NRTN: variants seen among roughly 807,000 people sequenced by gnomAD.
The protein encoded by NRTN is prepro-neurturin.
NRTN carries 3 observed loss-of-function variants against 7.5 expected under a neutral mutation model. That is an observed-to-expected ratio of 0.40 (90% CI 0.18 to 1.03). NRTN has a LOEUF of 1.03. Among genes scored for constraint, NRTN ranks in the 50% least tolerant of loss-of-function variants. The pLI, the probability that NRTN is intolerant of heterozygous loss-of-function variation, is 0.34. For missense variants in NRTN, 310 were observed against 307.0 expected (o/e 1.01, Z -0.07); for synonymous variants, 157 against 146.6 (o/e 1.07, Z -0.51).
Position 5,826,096 on chromosome 19 carries a change from C to A in NRTN, c.170-1653C>A, listed in dbSNP as rs1188739872. Among the ~76,000 whole-genome samples the A allele has an allele frequency of 5.9e-5, 9 of 151,774 alleles. No individual in the cohort carries two copies. In the South Asian group the frequency reaches 1.2e-3, roughly 21 times the overall value. ...CTTGCAGTGAGCCGAGATCGCGCCA[C>A]TGCACTCCAGCCTGGGCGACAGAGC... On this transcript the variant is annotated intron_variant, in intron 2 of 2. Coordinates refer to ENST00000303212, the MANE Select transcript of NRTN (RefSeq NM_004558.5).
chr19:5,811,057 T>C (rs1326130751), intron 1 of NRTN, among the ~76,000 whole-genome samples: 1 of 151,676 alleles, frequency 6.6e-6, no homozygotes, highest in Non-Finnish European at 1.5e-5. Context: ...GCCAACATGG[T>C]GAAACCCCGT....
intron 1 of NRTN, among the ~76,000 whole-genome samples, chr19:5,819,711 G>A (rs1338640279): frequency 6.6e-6 from 1 of 151,966 alleles, no homozygotes; most frequent in East Asian, 1.9e-4. Context: ...GGCTGGGTGT[G>A]GTGGTGCATG....
chr19:5,805,215 G>T lies in NRTN; in HGVS notation c.-635G>T, dbSNP rs960335512. On this transcript the variant is annotated 5_prime_UTR_variant, in exon 1 of 3. Transcript: ENST00000303212. ...GCCCTCTGAGCCGCCGGCCGTCCAG[G>T]GCACCCACCCCCAGCCCCAGCCCCC... is the stretch of plus-strand genomic sequence containing the variant. Among the ~76,000 whole-genome samples, 1 of 146,370 alleles carries T rather than the reference G, an allele frequency of 6.8e-6. No individual in the cohort carries two copies. Among genetic ancestry groups the T allele is most frequent in the African/African-American group, 2.4e-5 (1 of 40,842 alleles).
intron 1 of NRTN, among the ~76,000 whole-genome samples, chr19:5,823,164 C>T (rs1361060633): frequency 1.3e-5 from 2 of 152,152 alleles, no homozygotes; most frequent in Admixed American, 1.3e-4. Context: ...TGCCTGTAAT[C>T]CCAGCACTTT....
chr19:5,816,655 T>G (rs1282945489), intron 1 of NRTN, among the ~76,000 whole-genome samples: 1 of 151,958 alleles, frequency 6.6e-6, no homozygotes, highest in Non-Finnish European at 1.5e-5. Flanking sequence ...GTGCTGGGAT[T>G]ACAGACGTGA....
chr19:5,813,302 A>G (rs1206601424), intron 1 of NRTN, among the ~76,000 whole-genome samples: 2 of 151,806 alleles, frequency 1.3e-5, no homozygotes, highest in Non-Finnish European at 2.9e-5. Flanking sequence ...TGGGAGGCAG[A>G]GGCGGGCGGA....
chr19:5,818,040 T>A (rs1363840651), intron 1 of NRTN, among the ~76,000 whole-genome samples: 1 of 152,150 alleles, frequency 6.6e-6, no homozygotes, highest in Non-Finnish European at 1.5e-5. Context: ...CTCAGCTCAC[T>A]GCAACCTCCA....
chr19:5,819,439 A>C (rs1340511366), intron 1 of NRTN, among the ~76,000 whole-genome samples: 1 of 152,222 alleles, frequency 6.6e-6, no homozygotes, highest in East Asian at 1.9e-4. Flanking sequence ...AAGCGGGTGG[A>C]TCACCTGAGG....
intron 2 of NRTN, among the ~76,000 whole-genome samples, chr19:5,825,539 G>C (rs1274303456): frequency 6.6e-6 from 1 of 152,264 alleles, no homozygotes; most frequent in Non-Finnish European, 1.5e-5. Flanking sequence ...CTCTCTGCAA[G>C]CGGCGTGAAG....
At chr19:5,811,908 T>C (rs1403602447) in intron 1 of NRTN, among the ~76,000 whole-genome samples, 2 of 147,804 alleles carry the variant, frequency 1.4e-5, no homozygotes, top group African/African-American at 2.5e-5. Context: ...TTCGCTCTGT[T>C]GCCCAGGCTG....
At chr19:5,824,928 T>C (rs1222752674) in intron 2 of NRTN, among the ~76,000 whole-genome samples, 2 of 152,124 alleles carry the variant, frequency 1.3e-5, no homozygotes, top group Non-Finnish European at 2.9e-5. Context: ...GGCTCTGCCC[T>C]GAGGTCCCGT....
chr19:5,820,438 C>T (rs1056663598), intron 1 of NRTN, among the ~76,000 whole-genome samples: 10 of 151,028 alleles, frequency 6.6e-5, no homozygotes, highest in Non-Finnish European at 1.0e-4. Context: ...TGGTGGCGGG[C>T]GCCTGTAGTC....
chr19:5,818,156 G>A (rs1763244284), intron 1 of NRTN, among the ~76,000 whole-genome samples: 1 of 152,034 alleles, frequency 6.6e-6, no homozygotes, highest in Admixed American at 6.6e-5. Flanking sequence ...TAGAGACAGG[G>A]TTTCACCATG....
At chr19:5,816,340 C>T (rs2057005093) in intron 1 of NRTN, among the ~76,000 whole-genome samples, 1 of 152,132 alleles carries the variant, frequency 6.6e-6, no homozygotes, top group African/African-American at 2.4e-5. Context: ...CCTTCATGAC[C>T]TTGACTCTTT....
chr19:5,808,824 C>G (rs968572669), intron 1 of NRTN, among the ~76,000 whole-genome samples: 1 of 148,674 alleles, frequency 6.7e-6, no homozygotes, highest in Non-Finnish European at 1.5e-5. Context: ...GGTGCGATCT[C>G]GGCTCACTGC....
At position 5,823,990 on chromosome 19, in the gene NRTN, C is replaced by A; in HGVS notation, c.-176C>A. ...CTGTGACTCCTGGCACGGAGGCCAA[C>A]CCCTTCCTTGTTCAATGGTTCCTTG... On this transcript the variant is annotated 5_prime_UTR_variant, in exon 2 of 3. Coordinates refer to ENST00000303212, the MANE Select transcript of NRTN (RefSeq NM_004558.5). 1 of 876,016 alleles carries A rather than the reference C, an allele frequency of 1.1e-6. No homozygotes were observed. 54.3% of individuals were successfully genotyped at this position (876,016 alleles called of 1,614,324 possible).
At chr19:5,826,883 GCAGGAAGAA>G (rs1053993704) in intron 2 of NRTN, among the ~76,000 whole-genome samples, 4 of 152,186 alleles carry the variant, frequency 2.6e-5, no homozygotes, top group African/African-American at 9.7e-5. Context: ...AACGATGAAG[GCAGGAAGAA>G]TGACCTTTAA....
chr19:5,818,882 A>G (rs2057014304), intron 1 of NRTN, among the ~76,000 whole-genome samples: 1 of 151,458 alleles, frequency 6.6e-6, no homozygotes, highest in Non-Finnish European at 1.5e-5. Flanking sequence ...CCCTCCGCCA[A>G]TGGCCCCCCG....
At chr19:5,820,896 C>A (rs1260386616) in intron 1 of NRTN, among the ~76,000 whole-genome samples, 4 of 152,164 alleles carry the variant, frequency 2.6e-5, no homozygotes, top group Non-Finnish European at 5.9e-5. Flanking sequence ...TCATCCCCTT[C>A]CAAACCTCCT....
Sources: allele counts gnomAD v4.1 joint callset (sites outside exome capture counted in the v4.1 genomes callset), GRCh38; gene constraint gnomAD v4.1.1; transcripts MANE v1.5; gene names NCBI Gene and HGNC (gene_info 2026-07-23, HGNC 2026-07-21).